KCNB2: variants seen among roughly 807,000 people sequenced by gnomAD.
KCNB2 encodes the protein delayed rectifier potassium channel protein.
Under a neutral mutation model 61.5 loss-of-function variants are expected in KCNB2, and 15 were observed. The ratio of observed to expected loss-of-function variants is 0.24; its 90% CI spans 0.16 to 0.38. The LOEUF (loss-of-function observed/expected upper bound fraction) is 0.38, where lower values mean the gene tolerates loss of function less well. Ranked by LOEUF, KCNB2 falls within the 10% of genes least tolerant of loss-of-function variation. KCNB2 has a pLI of 1.00. For synonymous variants in KCNB2, 457 were observed against 446.0 expected (o/e 1.02, Z -0.31); for missense variants, 828 against 1,125.2 (o/e 0.74, Z 3.78).
At position 72,561,694 on chromosome 8, in the gene KCNB2, T is replaced by C. The variant is rs1333696870; in HGVS notation, c.-93-5948T>C. 1.7e-3 allele frequency among the ~76,000 whole-genome samples: 14 copies of C among 8,456 alleles called. 2 individuals are homozygous for C. The East Asian group carries it at 0.091, about 55-fold the overall frequency. 5.5% of individuals were successfully genotyped at this position (8,456 alleles called of 152,430 possible). On this transcript the variant is annotated intron_variant, in intron 1 of 2. Transcript: ENST00000523207. ...GAAAATTTCCAGGATCTTACTTTTA[T>C]ATATATATATATATATATATATATA...
chr8:72,638,593 A>G (rs1806005608), intron 2 of KCNB2, among the ~76,000 whole-genome samples: 1 of 152,156 alleles, frequency 6.6e-6, no homozygotes, highest in African/African-American at 2.4e-5. Context: ...CTGGCCATAA[A>G]GTTGGAACTA....
At chr8:72,684,949 T>G (rs1463737269) in intron 2 of KCNB2, among the ~76,000 whole-genome samples, 1 of 152,244 alleles carries the variant, frequency 6.6e-6, no homozygotes, top group Non-Finnish European at 1.5e-5. Context: ...GCACTATTAA[T>G]GTTTCCTCTC....
At chr8:72,812,143 T>C (rs1048619506) in intron 2 of KCNB2, among the ~76,000 whole-genome samples, 3 of 151,994 alleles carry the variant, frequency 2.0e-5, no homozygotes, top group African/African-American at 7.3e-5. Context: ...GTGCCTGTAA[T>C]CCCAGCTACT....
At chr8:72,646,854 A>G (rs1806137185) in intron 2 of KCNB2, among the ~76,000 whole-genome samples, 1 of 152,188 alleles carries the variant, frequency 6.6e-6, no homozygotes, top group East Asian at 1.9e-4. Context: ...ACTGACTTGT[A>G]CAGAGATGCA....
chr8:72,736,104 A>G (rs2128993964), intron 2 of KCNB2, among the ~76,000 whole-genome samples: 1 of 152,268 alleles, frequency 6.6e-6, no homozygotes, highest in South Asian at 2.1e-4. Context: ...TGACAGCAAA[A>G]CTTGGCCTGA....
chr8:72,837,768 A>G (rs1809805498), intron 2 of KCNB2, among the ~76,000 whole-genome samples: 1 of 152,204 alleles, frequency 6.6e-6, no homozygotes. Flanking sequence ...GAAATGTTAC[A>G]GACTTTTAAA....
intron 2 of KCNB2, among the ~76,000 whole-genome samples, chr8:72,792,742 A>G (rs776355330): frequency 1.2e-4 from 18 of 152,246 alleles, no homozygotes; most frequent in Admixed American, 2.0e-4. Flanking sequence ...TGATAGCTCT[A>G]CTGATAGCCT....
intron 2 of KCNB2, among the ~76,000 whole-genome samples, chr8:72,893,244 C>G (rs1474768323): frequency 6.6e-6 from 1 of 152,024 alleles, no homozygotes; most frequent in Non-Finnish European, 1.5e-5. Flanking sequence ...AGTTTGCTCT[C>G]TGGGCATGAT....
intron 1 of KCNB2, among the ~76,000 whole-genome samples, chr8:72,552,665 C>T (rs965184113): frequency 3.3e-5 from 5 of 152,178 alleles, no homozygotes; most frequent in African/African-American, 1.2e-4. Flanking sequence ...ACCAGTTTGA[C>T]TTTGATGAGT....
chr8:72,553,240 T>G (rs1299585145), intron 1 of KCNB2, among the ~76,000 whole-genome samples: 1 of 152,080 alleles, frequency 6.6e-6, no homozygotes, highest in African/African-American at 2.4e-5. Flanking sequence ...TTGCACTTGG[T>G]TTTTCCCAGT....
intron 2 of KCNB2, among the ~76,000 whole-genome samples, chr8:72,649,506 G>A (rs1806181203): frequency 6.6e-6 from 1 of 152,104 alleles, no homozygotes; most frequent in African/African-American, 2.4e-5. Flanking sequence ...CTTCCTGGGT[G>A]ATGAGATGAA....
At chr8:72,735,407 T>G (rs1300358618) in intron 2 of KCNB2, among the ~76,000 whole-genome samples, 1 of 152,220 alleles carries the variant, frequency 6.6e-6, no homozygotes, top group East Asian at 1.9e-4. Flanking sequence ...AATTTCCTAT[T>G]TCCCCGCAAG....
intron 1 of KCNB2, among the ~76,000 whole-genome samples, chr8:72,551,437 T>A (rs1334754209): frequency 1.3e-5 from 2 of 152,134 alleles, no homozygotes; most frequent in Non-Finnish European, 2.9e-5. Flanking sequence ...CAGCATCGTC[T>A]CAGGCCCCAC....
intron 2 of KCNB2, among the ~76,000 whole-genome samples, chr8:72,621,493 A>G (rs1470589561): frequency 1.3e-5 from 2 of 152,180 alleles, no homozygotes; most frequent in Non-Finnish European, 2.9e-5. Flanking sequence ...TAATGACATC[A>G]CTTGACTTGA....
chr8:72,581,913 C>T (rs1476640844), intron 2 of KCNB2, among the ~76,000 whole-genome samples: 2 of 152,094 alleles, frequency 1.3e-5, no homozygotes, highest in Non-Finnish European at 2.9e-5. Flanking sequence ...TAAAGTGTAG[C>T]CTTTGTGTGG....
intron 1 of KCNB2, among the ~76,000 whole-genome samples, chr8:72,556,093 C>T (rs907376498): frequency 8.5e-5 from 13 of 152,068 alleles, no homozygotes; most frequent in African/African-American, 3.1e-4. Flanking sequence ...TGGTACAAGT[C>T]ACGTGAACTC....
At chr8:72,778,117 C>A (rs543954363) in intron 2 of KCNB2, among the ~76,000 whole-genome samples, 7 of 152,228 alleles carry the variant, frequency 4.6e-5, no homozygotes, top group South Asian at 2.1e-4. Context: ...GTTAATAGCT[C>A]CTGTGGGTGG....
chr8:72,546,673 C>A (rs1365017703), intron 1 of KCNB2, among the ~76,000 whole-genome samples: 1 of 152,042 alleles, frequency 6.6e-6, no homozygotes, highest in Non-Finnish European at 1.5e-5. Context: ...ACTCTGTCAC[C>A]CAGTCTAGAG....
intron 2 of KCNB2, among the ~76,000 whole-genome samples, chr8:72,684,765 G>A (rs1375036520): frequency 6.6e-6 from 1 of 152,188 alleles, no homozygotes; most frequent in Admixed American, 6.5e-5. Flanking sequence ...ATTAAGAACT[G>A]GACTGGCAGA....
Sources: gnomAD v4.1 joint callset for allele counts (sites outside exome capture counted in the v4.1 genomes callset) on GRCh38, gnomAD v4.1.1 for gene constraint, MANE v1.5 for transcripts, NCBI Gene and HGNC (gene_info 2026-07-23, HGNC 2026-07-21) for gene names.